The following COL16A1 variants were observed in gnomAD, a reference collection of about 807,000 sequenced individuals.
The protein encoded by COL16A1 is collagen alpha-1(XVI) chain.
COL16A1 carries 189 observed loss-of-function variants against 266.3 expected under a neutral mutation model. The observed-to-expected ratio is 0.71, with a 90% CI of 0.63 to 0.80. The LOEUF (loss-of-function observed/expected upper bound fraction) is 0.80, where lower values mean the gene tolerates loss of function less well. Among genes scored for constraint, COL16A1 ranks in the 30% least tolerant of loss-of-function variants. The pLI, the probability that COL16A1 is intolerant of heterozygous loss-of-function variation, is 0.00. For synonymous variants in COL16A1, 740 were observed against 782.3 expected (o/e 0.95, Z 0.90); for missense variants, 1,928 against 2,122.4 (o/e 0.91, Z 1.80).
intron 61 of COL16A1, among the ~76,000 whole-genome samples, 196 bp from the exon 62 acceptor site, chr1:31,660,834 G>A (rs1434299869): frequency 2.6e-5 from 4 of 152,236 alleles, no homozygotes; most frequent in African/African-American, 9.7e-5. Flanking sequence ...GAGCAGGCCA[G>A]GCCCTGCCTT....
At position 31,657,130 on chromosome 1, in the gene COL16A1, C is replaced by T. The variant is rs1641234801; in HGVS notation, c.4021-62G>A. The T allele has an allele frequency of 6.2e-7, 1 of 1,603,612 alleles. No individual in the cohort carries two copies. The highest frequency in any genetic ancestry group is 1.7e-5 in the Admixed American group (1 of 60,020). ...CAACCCAGTTTGGTGTCAGATGCCTCACTTTGTACATGGGGCAAGCCCAGC... is the reference window on the plus strand; with the variant it reads ...CAACCCAGTTTGGTGTCAGATGCCTTACTTTGTACATGGGGCAAGCCCAGC... On this transcript the variant is annotated intron_variant, in intron 64 of 70. Transcript: ENST00000373672. The surrounding 1 kb of genome is among the most constrained non-coding windows in gnomAD (Gnocchi z 6.4).
At position 31,661,399 on chromosome 1, in the gene COL16A1, G is replaced by T. The variant is rs1189480755; in HGVS notation, c.3771+15C>A. 2 of 1,613,874 alleles carry T rather than the reference G, an allele frequency of 1.2e-6. No individual in the cohort carries two copies. The highest frequency in any genetic ancestry group is 2.7e-5 in the African/African-American group (2 of 74,950). ...AGCAGAGATAACCTGCTTGGCAGAG[G>T]TCACCAGCCCTTACCTTAGGTCCTG... On this transcript the variant is annotated intron_variant, in intron 60 of 70. Transcript: ENST00000373672.
At chr1:31,699,701 G>A in intron 4 of COL16A1, 112 bp downstream of exon 4, 1 of 738,360 alleles carries the variant, frequency 1.4e-6, no homozygotes, top group Middle Eastern at 4.0e-4. Context: ...GGCAGGGGCT[G>A]GGATGCAATG....
intron 11 of COL16A1, among the ~76,000 whole-genome samples, chr1:31,694,525 C>A (rs956822512): frequency 6.6e-6 from 1 of 152,074 alleles, no homozygotes; most frequent in Non-Finnish European, 1.5e-5. Flanking sequence ...GAGCAGGGAG[C>A]CTAGGAGGTA....
intron 43 of COL16A1, 78 bp downstream of exon 43, chr1:31,675,177 TACC>T: frequency 6.2e-7 from 1 of 1,612,072 alleles, no homozygotes; most frequent in African/African-American, 1.3e-5. Flanking sequence ...CCACTGCAGC[TACC>T]GGGCCAGCTT....
chr1:31,699,472 G>T (rs1323200741), intron 4 of COL16A1, among the ~76,000 whole-genome samples: 1 of 152,142 alleles, frequency 6.6e-6, no homozygotes, highest in East Asian at 1.9e-4. Context: ...ACACACATGG[G>T]TGCACACACA....
chr1:31,684,028 G>A, intron 32 of COL16A1, 25 bp from the exon 33 acceptor site: 2 of 1,614,158 alleles, frequency 1.2e-6, no homozygotes, highest in South Asian at 2.2e-5. Flanking sequence ...GTGGCCCATG[G>A]AGTCCCCACA....
intron 47 of COL16A1, among the ~76,000 whole-genome samples, chr1:31,672,077 G>A (rs1642763946): frequency 6.6e-6 from 1 of 152,202 alleles, no homozygotes; most frequent in African/African-American, 2.4e-5. Flanking sequence ...TGCAGGCCAA[G>A]GGGACTGGAG....
intron 42 of COL16A1, among the ~76,000 whole-genome samples, chr1:31,676,967 G>C (rs1266347546): frequency 6.6e-6 from 1 of 152,232 alleles, no homozygotes; most frequent in South Asian, 2.1e-4. Flanking sequence ...CCAGGCCTGG[G>C]TCAGACCCGG....
In COL16A1 at chr1:31,699,935, G is replaced by T. The variant is rs748097137; in HGVS notation, c.149-5C>A. 50 of 1,607,896 alleles carry T rather than the reference G, an allele frequency of 3.1e-5. No homozygotes were observed. The highest frequency in any genetic ancestry group is 4.2e-5 in the Non-Finnish European group (49 of 1,174,374). On this transcript the variant is annotated splice_region_variant and splice_polypyrimidine_tract_variant and intron_variant, in intron 3 of 70. Transcript: ENST00000373672. ...GTCGGTGGATGAGGTTGAAGCCTTT[G>T]GGGGAGACATCAGGTGAAGAGCTCA...
chr1:31,680,007 C>T (rs1437926017), intron 40 of COL16A1, 35 bp downstream of exon 40: 3 of 1,611,774 alleles, frequency 1.9e-6, no homozygotes, highest in Non-Finnish European at 1.7e-6. Context: ...GGTCCTCTCC[C>T]CCAGTTGGGG....
In COL16A1 at chr1:31,685,584, C is replaced by T; in HGVS notation, c.2016+55G>A. The T allele has an allele frequency of 6.3e-7, 1 of 1,576,732 alleles. No homozygotes were observed. Among genetic ancestry groups the T allele is most frequent in the Non-Finnish European group, 8.6e-7 (1 of 1,156,834 alleles). ...GACCCAGGCAGGACCCCTCCCCTCT[C>T]CTTAGCCCCGCCTGCATCCCCCGTC... On this transcript the variant is annotated intron_variant, in intron 29 of 70. Transcript: ENST00000373672. This position sits in a 1 kb window ranked among gnomAD's most constrained non-coding sequence, Gnocchi z 4.0.
At chr1:31,679,720 G>A in intron 41 of COL16A1, 35 bp from the exon 42 acceptor site, 3 of 1,613,418 alleles carry the variant, frequency 1.9e-6, no homozygotes, top group Non-Finnish European at 2.5e-6. Context: ...AGCCAGCAGA[G>A]AGCTCTGCCC....
chr1:31,676,122 C>T (rs770496918), intron 42 of COL16A1, among the ~76,000 whole-genome samples: 1 of 151,980 alleles, frequency 6.6e-6, no homozygotes, highest in South Asian at 2.1e-4. Flanking sequence ...GCCGGGAATT[C>T]GAGACCAGCC....
rs751389279 is a variant in COL16A1, at chr1:31,655,508, A to G, written c.4102-6T>C. ...CCTGCAGCTCCTGGATCACCCTACAAAGATAGATACTTAGTGCTGTCAAAT... is the reference window on the plus strand; with the variant it reads ...CCTGCAGCTCCTGGATCACCCTACAGAGATAGATACTTAGTGCTGTCAAAT... On this transcript the variant is annotated splice_region_variant and splice_polypyrimidine_tract_variant and intron_variant, in intron 66 of 70. Transcript: ENST00000373672. 6.2e-7 allele frequency: 1 copy of G among 1,613,618 alleles called. No homozygotes were observed. The highest frequency in any genetic ancestry group is 8.5e-7 in the Non-Finnish European group (1 of 1,179,752).
Position 31,656,929 on chromosome 1 carries a change from C to T in COL16A1, c.4056+104G>A, listed in dbSNP as rs531091351. ...GGGTTAACAATTTCCAGAGACAGCC[C>T]GTACATAGAAGGAATGTTTACTGAA... On this transcript the variant is annotated intron_variant, in intron 65 of 70. Transcript: ENST00000373672. This position sits in a 1 kb window ranked among gnomAD's most constrained non-coding sequence, Gnocchi z 4.2. 1.1e-5 allele frequency: 17 copies of T among 1,508,988 alleles called. No individual in the cohort carries two copies. Among genetic ancestry groups the T allele is most frequent in the Admixed American group, 1.7e-5 (1 of 59,398 alleles). 93.5% of individuals were successfully genotyped at this position (1,508,988 alleles called of 1,614,324 possible).
At position 31,698,486 on chromosome 1, in the gene COL16A1, T is replaced by C; in HGVS notation, c.387A>G (p.Pro129=). The C allele has an allele frequency of 1.2e-6, 2 of 1,614,174 alleles. No individual in the cohort carries two copies. Among genetic ancestry groups the C allele is most frequent in the Non-Finnish European group, 1.7e-6 (2 of 1,180,022 alleles). Residue 129 remains proline, a synonymous_variant, in exon 5 of 71, where the codon CCA becomes CCG. Coordinates refer to ENST00000373672, the MANE Select transcript of COL16A1 (RefSeq NM_001856.4). This position sits in a 1 kb window ranked among gnomAD's most constrained non-coding sequence, Gnocchi z 4.1. The stretch of plus-strand genomic sequence containing the variant: ...TCAGGGCACAGGGGAGGTTCACCTG[T>C]GGATACCCATTTGCATCGGTCACTT... The part of the protein sequence containing the change: ...LFQVTDANGY[P]QISLEVNSQE...
At chr1:31,660,504 T>TCATG in intron 62 of COL16A1, 81 bp downstream of exon 62, 1 of 1,574,448 alleles carries the variant, frequency 6.4e-7, no homozygotes, top group Non-Finnish European at 8.7e-7. Flanking sequence ...TTCTCTCAGG[T>TCATG]CATGACAGCC....
chr1:31,685,580 C>T lies in COL16A1; in HGVS notation c.2016+59G>A, dbSNP rs1643928128. ...AAGAGACCCAGGCAGGACCCCTCCC[C>T]TCTCCTTAGCCCCGCCTGCATCCCC... On this transcript the variant is annotated intron_variant, in intron 29 of 70. Coordinates refer to ENST00000373672, the MANE Select transcript of COL16A1 (RefSeq NM_001856.4). This position sits in a 1 kb window ranked among gnomAD's most constrained non-coding sequence, Gnocchi z 4.0. 1 of 1,573,752 alleles carries T rather than the reference C, an allele frequency of 6.4e-7. No individual in the cohort carries two copies. Among genetic ancestry groups the T allele is most frequent in the Non-Finnish European group, 8.7e-7 (1 of 1,154,304 alleles).
Sources: gnomAD v4.1 joint callset for allele counts (sites outside exome capture counted in the v4.1 genomes callset) on GRCh38, gnomAD v4.1.1 for gene constraint, Gnocchi (gnomAD v3.1) non-coding constraint, MANE v1.5 for transcripts, NCBI Gene and HGNC (gene_info 2026-07-23, HGNC 2026-07-21) for gene names.